Variants in TNFSF10 observed in about 807,000 individuals in gnomAD.
TNFSF10 encodes tumor necrosis factor ligand superfamily member 10.
TNFSF10 carries 13 observed loss-of-function variants against 29.5 expected under a neutral mutation model. The ratio of observed to expected loss-of-function variants is 0.44; its 90% CI spans 0.29 to 0.70. The LOEUF (loss-of-function observed/expected upper bound fraction) is 0.70, where lower values mean the gene tolerates loss of function less well. Ranked by LOEUF, TNFSF10 falls within the 30% of genes least tolerant of loss-of-function variation. TNFSF10 has a pLI of 0.13. For missense variants in TNFSF10, 345 were observed against 330.9 expected, an observed-to-expected ratio of 1.04 and a Z score of -0.33; for synonymous variants, 111 against 112.8, an observed-to-expected ratio of 0.98 and a Z score of 0.10.
chr3:172,517,783 A>C (rs1470602996), intron 1 of TNFSF10: 1 of 981,952 alleles, frequency 1.0e-6, no homozygotes, highest in Non-Finnish European at 1.2e-6. Flanking sequence ...AAATTTGTAA[A>C]ATATAGAAAA....
chr3:172,517,684 A>G (rs921263374), intron 1 of TNFSF10: 7 of 985,226 alleles, frequency 7.1e-6, no homozygotes, highest in African/African-American at 1.7e-5. Flanking sequence ...TTGTTTTCTC[A>G]TAAGACTATA....
chr3:172,516,577 C>A (rs1457715393), intron 1 of TNFSF10, among the ~76,000 whole-genome samples: 2 of 152,160 alleles, frequency 1.3e-5, no homozygotes, highest in African/African-American at 4.8e-5. Context: ...TGACATAGAT[C>A]ATTCATTTAC....
At chr3:172,517,474 G>C (rs903731967) in intron 1 of TNFSF10, 1 of 910,202 alleles carries the variant, frequency 1.1e-6, no homozygotes, top group African/African-American at 2.5e-5. Context: ...ACACAGGCAA[G>C]CAGGGAAGCA....
chr3:172,512,889 G>T (rs962624915), intron 2 of TNFSF10, among the ~76,000 whole-genome samples: 6 of 152,144 alleles, frequency 3.9e-5, no homozygotes, highest in Admixed American at 6.5e-5. Flanking sequence ...TTATTTAACT[G>T]ATCTAAACTT....
At chr3:172,519,984 C>T (rs1713611046) in intron 1 of TNFSF10, among the ~76,000 whole-genome samples, 1 of 152,222 alleles carries the variant, frequency 6.6e-6, no homozygotes, top group Admixed American at 6.5e-5. Context: ...TGGGTGCTAG[C>T]CGCCCCACGG....
chr3:172,508,648 G>A (rs181502994), intron 4 of TNFSF10, among the ~76,000 whole-genome samples: 3 of 152,282 alleles, frequency 2.0e-5, no homozygotes, highest in Admixed American at 2.0e-4. Context: ...CCAGCACTTT[G>A]GGAGGCCGAG....
At chr3:172,519,364 C>T (rs1241807824) in intron 1 of TNFSF10, among the ~76,000 whole-genome samples, 1 of 134,988 alleles carries the variant, frequency 7.4e-6, no homozygotes, top group Non-Finnish European at 1.5e-5. Flanking sequence ...TTGCATGAGT[C>T]AGTTGAGTAA....
Sources: allele counts gnomAD v4.1 joint callset (sites outside exome capture counted in the v4.1 genomes callset), GRCh38; gene constraint gnomAD v4.1.1; transcripts MANE v1.5; gene names NCBI Gene and HGNC (gene_info 2026-07-23, HGNC 2026-07-21).